PCDHA4: variants seen among roughly 807,000 people sequenced by gnomAD.
PCDHA4 encodes the protein protocadherin alpha-4.
PCDHA4 carries 49 observed loss-of-function variants against 61.4 expected under a neutral mutation model. The observed-to-expected ratio is 0.80, with a 90% CI of 0.63 to 1.01. The LOEUF (loss-of-function observed/expected upper bound fraction) is 1.01. Ranked by LOEUF, PCDHA4 falls within the 50% of genes least tolerant of loss-of-function variation. The pLI is 0.00. For synonymous variants in PCDHA4, 590 were observed against 550.3 expected (o/e 1.07, Z -1.01); for missense variants, 1,254 against 1,235.8 (o/e 1.01, Z -0.22).
chr5:140,985,096 C>A (rs1486346952), intron 3 of PCDHA4, among the ~76,000 whole-genome samples: 1 of 152,096 alleles, frequency 6.6e-6, no homozygotes, highest in Non-Finnish European at 1.5e-5. Context: ...TGCCACCAAG[C>A]CTGGCTAATT....
intron 1 of PCDHA4, among the ~76,000 whole-genome samples, chr5:140,922,423 T>C (rs1554200812): frequency 6.6e-6 from 1 of 152,170 alleles, no homozygotes; most frequent in Non-Finnish European, 1.5e-5. Context: ...GTACAGAGGC[T>C]GAGGGCAGAA....
intron 1 of PCDHA4, chr5:140,842,195 C>T (rs1165859216): frequency 1.9e-6 from 3 of 1,613,558 alleles, no homozygotes; most frequent in Non-Finnish European, 2.5e-6. Flanking sequence ...GGTTATTGAC[C>T]ACTTTAGCAT....
chr5:140,838,040 G>T (rs1775384058), intron 1 of PCDHA4, among the ~76,000 whole-genome samples: 1 of 149,654 alleles, frequency 6.7e-6, no homozygotes, highest in Non-Finnish European at 1.5e-5. Context: ...CTACCTTTCT[G>T]CACTTTTTGG....
chr5:141,010,525 C>A lies in PCDHA4; in HGVS notation c.*588C>A. On this transcript the variant is annotated 3_prime_UTR_variant, in exon 4 of 4. Coordinates refer to ENST00000530339, the MANE Select transcript of PCDHA4 (RefSeq NM_018907.4). ...CTAAATCTTACAACTCAAGAGGTGG[C>A]AGCCACCCTCTAGGAGACAAAACTA... 1 of 436,454 alleles carries A rather than the reference C, an allele frequency of 2.3e-6. No homozygotes were observed. The highest frequency in any genetic ancestry group is 3.9e-6 in the Non-Finnish European group (1 of 256,874). 27.0% of individuals were successfully genotyped at this position (436,454 alleles called of 1,614,324 possible).
intron 1 of PCDHA4, among the ~76,000 whole-genome samples, chr5:140,846,420 G>A (rs1780468336): frequency 7.9e-6 from 1 of 125,998 alleles, no homozygotes; most frequent in African/African-American, 3.0e-5. Context: ...TATCTCCCAG[G>A]CTGGAATGCA....
rs782188990 is a variant in PCDHA4 at position 140,809,172 on chromosome 5, C to A, written c.1985C>A (p.Thr662Lys). The change falls in exon 1 of 4, where the codon ACG (threonine) becomes AAG (lysine). Residue 662 changes from threonine to lysine, a missense_variant. Thr to Lys is a moderately conservative substitution (Grantham distance 78). Coordinates refer to ENST00000530339, the MANE Select transcript of PCDHA4 (RefSeq NM_018907.4). ...KDHGEPALTA[T>K]ATVLVSLVES... The stretch of plus-strand genomic sequence containing the variant: ...CACGGCGAGCCCGCGCTGACGGCCA[C>A]GGCCACTGTGCTGGTGTCACTTGTG... 1 of 1,613,882 alleles carries A rather than the reference C, an allele frequency of 6.2e-7. No individual in the cohort carries two copies. Among genetic ancestry groups the A allele is most frequent in the East Asian group, 2.2e-5 (1 of 44,892 alleles).
Position 140,883,957 on chromosome 5 carries a change from G to A in PCDHA4, c.2385+74385G>A, listed in dbSNP as rs879988838. ...TGCTGGACGAGAACGACAACGCTCC[G>A]GCGCTGCTGACGCCCGGGGCTGGCA... On this transcript the variant is annotated intron_variant, in intron 1 of 3. Coordinates refer to ENST00000530339, the MANE Select transcript of PCDHA4 (RefSeq NM_018907.4). 10 of 1,613,246 alleles carry A rather than the reference G, an allele frequency of 6.2e-6. No individual in the cohort carries two copies. In the East Asian group the frequency reaches 1.3e-4, roughly 22 times the overall value.
At position 140,894,082 on chromosome 5, in the gene PCDHA4, A is replaced by C. The variant is rs2064311424; in HGVS notation, c.2385+84510A>C. On this transcript the variant is annotated intron_variant, in intron 1 of 3. Transcript: ENST00000530339. ...TTTTTAAATACATTTATTTTATTCC[A>C]GTATCTTCTAGCTCCTGGTGTTGCA... 3.3e-5 allele frequency among the ~76,000 whole-genome samples: 5 copies of C among 152,174 alleles called. No homozygotes were observed. In the South Asian group the frequency reaches 8.3e-4, roughly 25 times the overall value.
At chr5:140,901,930 C>G (rs902948893) in intron 1 of PCDHA4, among the ~76,000 whole-genome samples, 2 of 151,400 alleles carry the variant, frequency 1.3e-5, no homozygotes, top group Admixed American at 1.3e-4. Flanking sequence ...TTGGTTAATT[C>G]CTAGGTATAT....
intron 1 of PCDHA4, among the ~76,000 whole-genome samples, chr5:140,893,177 T>A (rs2063856203): frequency 6.6e-6 from 1 of 152,232 alleles, no homozygotes; most frequent in Admixed American, 6.5e-5. Flanking sequence ...TTCCACATAG[T>A]AGCTATTGTG....
In PCDHA4 at chr5:140,807,529, G is replaced by A; in HGVS notation, c.342G>A (p.Leu114=). The change falls in exon 1 of 4, where the codon CTG becomes CTA. Residue 114 remains leucine, a synonymous_variant. Coordinates refer to ENST00000530339, the MANE Select transcript of PCDHA4 (RefSeq NM_018907.4). ...IHLEVIVDRP[L]QVFHVDVEVR... is the part of the protein sequence containing the mutation. The stretch of plus-strand genomic sequence containing the variant: ...TGGAGGTGATCGTAGACAGGCCGCT[G>A]CAGGTTTTCCATGTGGACGTGGAGG... 1 of 1,614,174 alleles carries A rather than the reference G, an allele frequency of 6.2e-7. No homozygotes were observed. The highest frequency in any genetic ancestry group is 8.5e-7 in the Non-Finnish European group (1 of 1,180,004).
chr5:140,974,680 T>C (rs2096636478), intron 1 of PCDHA4, among the ~76,000 whole-genome samples: 1 of 152,074 alleles, frequency 6.6e-6, no homozygotes, highest in African/African-American at 2.4e-5. Flanking sequence ...CCTGGCTAAT[T>C]TTGTATTTTT....
intron 1 of PCDHA4, among the ~76,000 whole-genome samples, chr5:140,978,171 G>C (rs1386184793): frequency 6.6e-6 from 1 of 152,186 alleles, no homozygotes; most frequent in Non-Finnish European, 1.5e-5. Context: ...AGAGTTTGTA[G>C]AGAGAGGGCA....
chr5:140,813,507 A>T (rs2126647034), intron 1 of PCDHA4: 1 of 152,320 alleles, frequency 6.6e-6, no homozygotes, highest in African/African-American at 2.4e-5. Flanking sequence ...TACAGTAAAA[A>T]CATTGTACAG....
Position 140,809,291 on chromosome 5 carries a change from A to C in PCDHA4, c.2104A>C (p.Ile702Leu). The change falls in exon 1 of 4, where the codon ATT becomes CTT. Residue 702 changes from isoleucine to leucine, a missense_variant. Ile to Leu is a conservative substitution (Grantham distance 5). Transcript: ENST00000530339. Reference protein sequence around the residue: ...ALVDVNVYLIIAICAVSSLLV... With the variant: ...ALVDVNVYLILAICAVSSLLV... ...GGTGGATGTCAACGTATACCTGATC[A>C]TTGCCATCTGCGCGGTGTCCAGCCT... The C allele has an allele frequency of 2.5e-6, 4 of 1,614,054 alleles. No homozygotes were observed. The highest frequency in any genetic ancestry group is 3.4e-6 in the Non-Finnish European group (4 of 1,179,932).
At chr5:140,824,754 C>T (rs2150137148) in intron 1 of PCDHA4, 4 of 151,544 alleles carry the variant, frequency 2.6e-5, no homozygotes, top group Non-Finnish European at 4.4e-5. Flanking sequence ...GCAAGAGTGC[C>T]TGGCCTATAA....
intron 3 of PCDHA4, among the ~76,000 whole-genome samples, chr5:141,000,713 C>G (rs570396356): frequency 6.6e-6 from 1 of 151,652 alleles, no homozygotes; most frequent in Non-Finnish European, 1.5e-5. Context: ...CAGGCATGAG[C>G]CACTGTGCCT....
At chr5:140,972,276 A>G (rs1471308188) in intron 1 of PCDHA4, among the ~76,000 whole-genome samples, 1 of 150,442 alleles carries the variant, frequency 6.6e-6, no homozygotes, top group Non-Finnish European at 1.5e-5. Flanking sequence ...AGTAGCTTGG[A>G]CCATAGATGT....
rs1485742296 is a variant in PCDHA4, at chr5:140,974,143, T to C, written c.2386-4806T>C. On this transcript the variant is annotated intron_variant, in intron 1 of 3. Transcript: ENST00000530339. ...GTTTTAAATCTGCTAACCTGAAAACTATACAAGGGTTTTTCTTTCAAGAAT... is the reference window on the plus strand; with the variant it reads ...GTTTTAAATCTGCTAACCTGAAAACCATACAAGGGTTTTTCTTTCAAGAAT... 2.0e-5 allele frequency among the ~76,000 whole-genome samples: 3 copies of C among 152,324 alleles called. No homozygotes were observed. The East Asian group carries it at 5.8e-4, about 29-fold the overall frequency.
Sources: gnomAD v4.1 joint callset for allele counts (sites outside exome capture counted in the v4.1 genomes callset) on GRCh38, gnomAD v4.1.1 for gene constraint, MANE v1.5 for transcripts, NCBI Gene and HGNC (gene_info 2026-07-23, HGNC 2026-07-21) for gene names.